ORC2: variants seen among roughly 807,000 people sequenced by gnomAD.
ORC2 encodes the protein origin recognition complex subunit 2, also known as origin recognition complex protein 2 homolog.
ORC2 carries 37 observed loss-of-function variants against 77.7 expected under a neutral mutation model. The observed-to-expected ratio is 0.48, with a 90% CI of 0.37 to 0.63. The LOEUF (loss-of-function observed/expected upper bound fraction) is 0.63, where lower values mean the gene tolerates loss of function less well. Ranked by LOEUF, ORC2 falls within the 20% of genes least tolerant of loss-of-function variation. The probability of loss-of-function intolerance (pLI) is 0.00; values close to 1 mark genes in which losing one functional copy is unlikely to be tolerated. For missense variants in ORC2, 557 were observed against 661.9 expected (o/e 0.84, Z 1.74); for synonymous variants, 201 against 229.5 (o/e 0.88, Z 1.12).
intron 5 of ORC2, among the ~76,000 whole-genome samples, chr2:200,944,980 G>T (rs928749997): frequency 2.6e-5 from 4 of 152,166 alleles, no homozygotes; most frequent in Non-Finnish European, 5.9e-5. Context: ...TTTAAGTACA[G>T]CTTTATGTAG....
At chr2:200,940,783 C>G (rs191868242) in intron 7 of ORC2, among the ~76,000 whole-genome samples, 26 of 152,122 alleles carry the variant, frequency 1.7e-4, no homozygotes, top group African/African-American at 6.0e-4. Context: ...GCCTGGGCGA[C>G]AGAGTAAGAC....
chr2:200,943,469 C>T (rs2041191557), intron 5 of ORC2, among the ~76,000 whole-genome samples: 1 of 152,042 alleles, frequency 6.6e-6, no homozygotes, highest in Non-Finnish European at 1.5e-5. Flanking sequence ...GATGCTCTCA[C>T]ACTCACACCA....
intron 5 of ORC2, among the ~76,000 whole-genome samples, chr2:200,945,033 C>T (rs1423617658): frequency 6.6e-6 from 1 of 152,152 alleles, no homozygotes; most frequent in Non-Finnish European, 1.5e-5. Context: ...TTTTCAGCTA[C>T]AACAGCCAAG....
intron 10 of ORC2, 140 bp downstream of exon 10, chr2:200,933,736 G>T: frequency 1.9e-6 from 1 of 521,464 alleles, no homozygotes; most frequent in Non-Finnish European, 3.4e-6. Flanking sequence ...AATAAAAGAA[G>T]TAATAATCAC....
chr2:200,913,939 G>A lies in ORC2; in HGVS notation c.1520C>T (p.Ser507Phe). Reference protein sequence around the residue: ...KYQLDNQDNPSYIGLSFQDFY... With the variant: ...KYQLDNQDNPFYIGLSFQDFY... ...TCATAAATATTGGATACCAATGTAA[G>A]AAGGGTTATCCTGGTTGTCCAGCTG... is the stretch of plus-strand genomic sequence containing the variant. Residue 507 changes from serine to phenylalanine, a missense_variant, in exon 16 of 18, where the codon TCT (serine) becomes TTT (phenylalanine). By Grantham distance (155) the Ser-to-Phe change is radical (BLOSUM62 -2). Coordinates refer to ENST00000234296, the MANE Select transcript of ORC2 (RefSeq NM_006190.5). The A allele has an allele frequency of 6.3e-7, 1 of 1,583,450 alleles. No homozygotes were observed. The highest frequency in any genetic ancestry group is 8.5e-7 in the Non-Finnish European group (1 of 1,169,802).
intron 1 of ORC2, among the ~76,000 whole-genome samples, chr2:200,961,897 G>A (rs2041581394): frequency 6.6e-6 from 1 of 152,172 alleles, no homozygotes; most frequent in Non-Finnish European, 1.5e-5. Context: ...CAAAAGTTTA[G>A]TTGTTCTTGG....
In ORC2 at chr2:200,942,775, A is replaced by C; in HGVS notation, c.331T>G (p.Ser111Ala). Residue 111 changes from serine (S) to alanine (A), a missense_variant and splice_region_variant, in exon 6 of 18, where the codon TCA becomes GCA. By Grantham distance (99) the Ser-to-Ala change is moderately conservative. Coordinates refer to ENST00000234296, the MANE Select transcript of ORC2 (RefSeq NM_006190.5). Reference protein sequence around the residue: ...KHSEKMAKLASELAKTPQKSV... With the variant: ...KHSEKMAKLAAELAKTPQKSV... ...TTTTGTGGTGTTTTTGCTAGTTCTGAAGCTGTAAACAAAGAAATATATAAA... is the reference window on the plus strand; with the variant it reads ...TTTTGTGGTGTTTTTGCTAGTTCTGCAGCTGTAAACAAAGAAATATATAAA... 1 of 1,597,890 alleles carries C rather than the reference A, an allele frequency of 6.3e-7. No individual in the cohort carries two copies. Among genetic ancestry groups the C allele is most frequent in the Non-Finnish European group, 8.6e-7 (1 of 1,168,218 alleles).
At chr2:200,936,260 G>A (rs2041045985) in intron 8 of ORC2, among the ~76,000 whole-genome samples, 1 of 152,158 alleles carries the variant, frequency 6.6e-6, no homozygotes, top group South Asian at 2.1e-4. Context: ...CATCCTAGGG[G>A]ATGAATCATG....
chr2:200,923,722 T>G (rs2040795584), intron 13 of ORC2, among the ~76,000 whole-genome samples: 1 of 152,226 alleles, frequency 6.6e-6, no homozygotes, highest in Admixed American at 6.5e-5. Flanking sequence ...AACACTATGC[T>G]TGCGGGCCAT....
chr2:200,928,849 T>G (rs1465443053), intron 11 of ORC2, among the ~76,000 whole-genome samples: 1 of 151,456 alleles, frequency 6.6e-6, no homozygotes, highest in Admixed American at 6.6e-5. Context: ...TCCTAAAAAC[T>G]TTTATAGGCT....
Position 200,957,405 on chromosome 2 carries a change from A to G in ORC2, c.234T>C (p.Val78=). The G allele has an allele frequency of 6.3e-7, 1 of 1,590,266 alleles. No homozygotes were observed. The highest frequency in any genetic ancestry group is 8.6e-7 in the Non-Finnish European group (1 of 1,169,492). The stretch of plus-strand genomic sequence containing the variant: ...ATATTTCACCCCCTCAAATACCTTG[A>G]ACATCTCTTCCCATAATTTCCACAT... ...QNYVEIMGRD[V]QESLKNGSAT... Residue 78 remains valine (V), a synonymous_variant, in exon 4 of 18, where the codon GTT becomes GTC. Coordinates refer to ENST00000234296, the MANE Select transcript of ORC2 (RefSeq NM_006190.5).
intron 16 of ORC2, chr2:200,913,704 T>TTTA (rs1230409649): frequency 3.7e-6 from 5 of 1,353,932 alleles, no homozygotes; most frequent in Non-Finnish European, 4.7e-6. Context: ...CACAGAAAAT[T>TTTA]TTAAAAGTAA....
intron 4 of ORC2, among the ~76,000 whole-genome samples, chr2:200,950,276 A>G (rs1389420268): frequency 6.6e-6 from 1 of 152,198 alleles, no homozygotes; most frequent in Admixed American, 6.5e-5. Flanking sequence ...GGTTGCGGTG[A>G]GCAGAGATTG....
rs2040527235 is a variant in ORC2 at position 200,910,233 on chromosome 2, A to G, written c.*1068T>C. 1 of 152,206 alleles carries G rather than the reference A, an allele frequency of 6.6e-6. No homozygotes were observed. The highest frequency in any genetic ancestry group is 1.5e-5 in the Non-Finnish European group (1 of 68,040). The allele number at this position is 152,206 out of a possible 1,614,324, so 9.4% of individuals were successfully genotyped here. ...GAAGAACTTCATTTCCAAGTGTCAA[A>G]TATTTCAGGGGGTATGTGATGACTG... is the stretch of plus-strand genomic sequence containing the variant. On this transcript the variant is annotated 3_prime_UTR_variant, in exon 18 of 18. Coordinates refer to ENST00000234296, the MANE Select transcript of ORC2 (RefSeq NM_006190.5).
At chr2:200,951,213 T>C (rs888384091) in intron 4 of ORC2, among the ~76,000 whole-genome samples, 18 of 152,214 alleles carry the variant, frequency 1.2e-4, no homozygotes, top group Non-Finnish European at 1.8e-4. Context: ...CTTTTTTATT[T>C]AAGTGCTGAA....
At chr2:200,942,846 T>G in intron 5 of ORC2, 69 bp from the exon 6 acceptor site, 1 of 865,318 alleles carries the variant, frequency 1.2e-6, no homozygotes, top group Non-Finnish European at 1.8e-6. Flanking sequence ...ATAACCTTAT[T>G]ACGCTTACAA....
At chr2:200,937,885 C>G (rs953425038) in intron 8 of ORC2, 21 bp downstream of exon 8, 4 of 1,504,696 alleles carry the variant, frequency 2.7e-6, no homozygotes, top group Non-Finnish European at 2.8e-6. Context: ...TATAAAAAGT[C>G]ATGTAAAAAC....
Position 200,911,087 on chromosome 2 carries a change from A to G in ORC2, c.*214T>C, listed in dbSNP as rs2124918825. 2.3e-6 allele frequency: 1 copy of G among 428,634 alleles called. No homozygotes were observed. The highest frequency in any genetic ancestry group is 4.2e-6 in the Non-Finnish European group (1 of 236,972). The allele number at this position is 428,634 out of a possible 1,614,324, so 26.6% of individuals were successfully genotyped here. ...CAGAGAGGTAATGAATGAAAGGCAC[A>G]TTTTCTCCAACTTGAGGACCGCTGC... On this transcript the variant is annotated 3_prime_UTR_variant, in exon 18 of 18. Coordinates refer to ENST00000234296, the MANE Select transcript of ORC2 (RefSeq NM_006190.5).
rs1203396831 is a variant in ORC2 at position 200,926,783 on chromosome 2, T to C, written c.1035A>G (p.Gly345=). The part of the protein sequence containing the change: ...IHVVINGFFP[G]ISVKSVLNSI... ...TGAAACTTACTGATTTCACACTGAT[T>C]CCAGGAAAGAAGCCATTGATGACAA... Residue 345 remains glycine, a synonymous_variant, in exon 12 of 18, where the codon GGA becomes GGG. Transcript: ENST00000234296. 1 of 1,613,980 alleles carries C rather than the reference T, an allele frequency of 6.2e-7. No homozygotes were observed. Among genetic ancestry groups the C allele is most frequent in the Admixed American group, 1.7e-5 (1 of 60,012 alleles).
Sources: gnomAD v4.1 joint callset for allele counts (sites outside exome capture counted in the v4.1 genomes callset) on GRCh38, gnomAD v4.1.1 for gene constraint, MANE v1.5 for transcripts, NCBI Gene and HGNC (gene_info 2026-07-23, HGNC 2026-07-21) for gene names.